Variants in KIAA1755 observed in about 807,000 individuals in gnomAD.
KIAA1755 encodes the protein KIAA1755.
In KIAA1755, 68 loss-of-function variants were observed where a neutral mutation model predicts 91.7. The observed-to-expected ratio is 0.74, with a 90% confidence interval of 0.61 to 0.91. The LOEUF is 0.91. Ranked by LOEUF, KIAA1755 falls within the 40% of genes least tolerant of loss-of-function variation. The pLI, the probability that KIAA1755 is intolerant of heterozygous loss-of-function variation, is 0.00. For synonymous variants in KIAA1755, 610 were observed against 604.6 expected, an observed-to-expected ratio of 1.01 and a Z score of -0.13; for missense variants, 1,535 against 1,494.4, an observed-to-expected ratio of 1.03 and a Z score of -0.45.
intron 9 of KIAA1755, 92 bp downstream of exon 9, chr20:38,223,446 C>G: frequency 2.5e-6 from 2 of 809,048 alleles, no homozygotes; most frequent in Non-Finnish European, 3.7e-6. Flanking sequence ...ATGTCCTCCC[C>G]CTTTTCCCCA....
Position 38,228,217 on chromosome 20 carries a change from A to G in KIAA1755, c.1895T>C (p.Leu632Pro). 6.2e-7 allele frequency: 1 copy of G among 1,602,604 alleles called. No individual in the cohort carries two copies. The highest frequency in any genetic ancestry group is 1.7e-5 in the Admixed American group (1 of 58,588). The change falls in exon 6 of 14, where the codon CTG becomes CCG. Residue 632 changes from leucine (L) to proline (P), a missense_variant. Leu to Pro is a moderately conservative substitution (Grantham distance 98). Coordinates refer to ENST00000279024, the MANE Select transcript of KIAA1755 (RefSeq NM_001029864.2). ...TCTCCTGGCGTCAATCAGGACCGCC[A>G]GCCCCTTGGCTTTATCTTCAGGCCT... ...IPRPEDKAKGLAVLIDARRQP... is the reference protein window; with the variant it reads ...IPRPEDKAKGPAVLIDARRQP...
intron 1 of KIAA1755, chr20:38,260,098 C>G (rs1007670327): frequency 4.4e-6 from 4 of 915,606 alleles, no homozygotes; most frequent in Non-Finnish European, 5.8e-6. Flanking sequence ...GACTTTAACC[C>G]CCACCACCAC....
At chr20:38,232,050 C>T (rs1175755061) in intron 4 of KIAA1755, among the ~76,000 whole-genome samples, 5 of 152,136 alleles carry the variant, frequency 3.3e-5, no homozygotes, top group Non-Finnish European at 5.9e-5. Flanking sequence ...AAGGGGAGGG[C>T]AAATACAGCA....
At chr20:38,253,846 G>A (rs1434405336) in intron 1 of KIAA1755, among the ~76,000 whole-genome samples, 2 of 152,188 alleles carry the variant, frequency 1.3e-5, no homozygotes, top group African/African-American at 4.8e-5. Context: ...CTCACCAGAT[G>A]TTGTTAGCTG....
chr20:38,255,526 C>T (rs944309206), intron 1 of KIAA1755, among the ~76,000 whole-genome samples: 1 of 152,170 alleles, frequency 6.6e-6, no homozygotes, highest in African/African-American at 2.4e-5. Flanking sequence ...CAGATACGGC[C>T]CAGCGGGTGT....
At chr20:38,246,439 G>A (rs1233827212) in intron 1 of KIAA1755, among the ~76,000 whole-genome samples, 5 of 144,978 alleles carry the variant, frequency 3.4e-5, no homozygotes, top group Non-Finnish European at 3.0e-5. Context: ...GATCCACGGA[G>A]ACGTGGAGGA....
At chr20:38,229,568 T>TC (rs1007430404) in intron 5 of KIAA1755, among the ~76,000 whole-genome samples, 4 of 152,132 alleles carry the variant, frequency 2.6e-5, no homozygotes, top group Admixed American at 6.5e-5. Context: ...GGTGCCTCTG[T>TC]CCCTAGCACC....
At chr20:38,251,948 A>G in intron 1 of KIAA1755, among the ~76,000 whole-genome samples, 1 of 152,190 alleles carries the variant, frequency 6.6e-6, no homozygotes, top group East Asian at 1.9e-4. Context: ...TAACCTATGT[A>G]TGAGCCCCTG....
In KIAA1755 at chr20:38,225,739, C is replaced by T; in HGVS notation, c.2095G>A (p.Asp699Asn). 1 of 1,605,332 alleles carries T rather than the reference C, an allele frequency of 6.2e-7. No homozygotes were observed. Among genetic ancestry groups the T allele is most frequent in the Non-Finnish European group, 8.5e-7 (1 of 1,176,228 alleles). Residue 699 changes from aspartate (D) to asparagine (N), a missense_variant, in exon 8 of 14, where the codon GAC becomes AAC. By Grantham distance (23) the Asp-to-Asn change is conservative (BLOSUM62 1). Transcript: ENST00000279024. ...AGGACTGCGGGCAGCTGGCTGGGGT[C>T]CACATGGTGGCTGAGGGCCTTCAAT... ...TSLKALSHHVDPSQLPAVLEG... is the reference protein window; with the variant it reads ...TSLKALSHHVNPSQLPAVLEG...
intron 1 of KIAA1755, among the ~76,000 whole-genome samples, chr20:38,251,236 A>G (rs2076245408): frequency 6.6e-6 from 1 of 152,214 alleles, no homozygotes; most frequent in South Asian, 2.1e-4. Context: ...CAAATGCATC[A>G]GAGAGATGTT....
chr20:38,214,451 G>A (rs1287171283), intron 13 of KIAA1755, among the ~76,000 whole-genome samples: 5 of 152,206 alleles, frequency 3.3e-5, no homozygotes, highest in Admixed American at 6.5e-5. Context: ...AGCACTGACC[G>A]TTTGCCAGGT....
intron 8 of KIAA1755, among the ~76,000 whole-genome samples, chr20:38,224,067 C>T (rs1464493229): frequency 6.6e-6 from 1 of 152,220 alleles, no homozygotes; most frequent in African/African-American, 2.4e-5. Flanking sequence ...CCATCACTTA[C>T]AAGCTGTGAG....
chr20:38,232,436 C>A (rs944686128), intron 4 of KIAA1755, among the ~76,000 whole-genome samples: 2 of 151,830 alleles, frequency 1.3e-5, no homozygotes, highest in African/African-American at 4.8e-5. Context: ...ACCATCCTGG[C>A]TAACATGGTG....
chr20:38,241,957 G>A, intron 2 of KIAA1755, 28 bp from the exon 3 acceptor site: 1 of 1,590,988 alleles, frequency 6.3e-7, no homozygotes, highest in Non-Finnish European at 8.6e-7. Flanking sequence ...TGGCATCAGA[G>A]AACCTGGCCC....
intron 1 of KIAA1755, among the ~76,000 whole-genome samples, chr20:38,253,137 C>T (rs181696321): frequency 1.2e-4 from 18 of 152,278 alleles, no homozygotes; most frequent in South Asian, 8.3e-4. Context: ...GAAGGTGAGA[C>T]GAGCCACAGC....
At chr20:38,220,137 C>T (rs957245567) in intron 10 of KIAA1755, among the ~76,000 whole-genome samples, 2 of 152,154 alleles carry the variant, frequency 1.3e-5, no homozygotes, top group African/African-American at 2.4e-5. Context: ...ATCACAGAAC[C>T]CACTTCATAG....
At chr20:38,223,716 G>C in intron 8 of KIAA1755, 80 bp from the exon 9 acceptor site, 2 of 1,011,982 alleles carry the variant, frequency 2.0e-6, no homozygotes, top group Non-Finnish European at 2.9e-6. Flanking sequence ...GAGCACAGAG[G>C]GGAGGTGGGA....
At chr20:38,222,723 C>A in intron 9 of KIAA1755, 126 bp from the exon 10 acceptor site, 1 of 1,018,888 alleles carries the variant, frequency 9.8e-7, no homozygotes, top group South Asian at 1.4e-5. Flanking sequence ...GAAAGTCTGT[C>A]ATTTCTGTCT....
chr20:38,238,260 C>A (rs2075993692), intron 4 of KIAA1755, among the ~76,000 whole-genome samples: 2 of 152,200 alleles, frequency 1.3e-5, no homozygotes, highest in Non-Finnish European at 2.9e-5. Context: ...GAACAAACAG[C>A]AGGAGCTTCA....
Sources: gnomAD v4.1 joint callset for allele counts (sites outside exome capture counted in the v4.1 genomes callset) on GRCh38, gnomAD v4.1.1 for gene constraint, MANE v1.5 for transcripts, NCBI Gene and HGNC (gene_info 2026-07-23, HGNC 2026-07-21) for gene names.